Variants in NELL2 observed in about 807,000 individuals in gnomAD.
NELL2 encodes the protein neural EGFL like 2.
A neutral mutation model predicts 109.6 loss-of-function variants in NELL2; 41 were observed. That is an observed-to-expected ratio of 0.37 (90% CI 0.29 to 0.49). NELL2 has a LOEUF of 0.49. NELL2 is among the 20% of genes least tolerant of loss of function. The pLI is 0.98. For synonymous variants in NELL2, 355 were observed against 344.7 expected (o/e 1.03, Z -0.33); for missense variants, 900 against 1,008.3 (o/e 0.89, Z 1.45).
upstream of NELL2, chr12:44,876,810 A>C: frequency 7.4e-7 from 1 of 1,345,824 alleles, no homozygotes; most frequent in Non-Finnish European, 9.6e-7. Flanking sequence ...CCACCAAAAC[A>C]CGCTGCACTG....
At chr12:44,750,817 G>T (rs770600990) in intron 9 of NELL2, among the ~76,000 whole-genome samples, 5 of 152,066 alleles carry the variant, frequency 3.3e-5, no homozygotes, top group Admixed American at 1.3e-4. Flanking sequence ...AACAGGTTGT[G>T]AATGCAATTA....
chr12:44,590,160 C>G (rs1433105137), intron 15 of NELL2, among the ~76,000 whole-genome samples: 1 of 150,958 alleles, frequency 6.6e-6, no homozygotes, highest in East Asian at 2.0e-4. Context: ...TAGTTGCTTA[C>G]TTATAGTTTA....
At chr12:44,639,088 A>G (rs1946750943) in intron 13 of NELL2, among the ~76,000 whole-genome samples, 1 of 152,154 alleles carries the variant, frequency 6.6e-6, no homozygotes, top group African/African-American at 2.4e-5. Context: ...TAAACCACCT[A>G]TTAATTCAGT....
chr12:44,857,877 C>G lies in NELL2; in HGVS notation c.184+17348G>C, dbSNP rs1280335547. Among the ~76,000 whole-genome samples, 5 of 152,250 alleles carry G rather than the reference C, an allele frequency of 3.3e-5. No homozygotes were observed. The East Asian group carries it at 9.7e-4, about 29-fold the overall frequency. On this transcript the variant is annotated intron_variant, in intron 2 of 19. Transcript: ENST00000429094. ...TTTACTCCCCATTAAGAACTAAAAA[C>G]AGCAAAAGTAGAACAGAAGATGCTT...
chr12:44,558,998 T>C (rs942445571), intron 15 of NELL2, among the ~76,000 whole-genome samples: 3 of 152,124 alleles, frequency 2.0e-5, no homozygotes, highest in South Asian at 4.1e-4. Flanking sequence ...GATAGGGGTG[T>C]CCACCATTAC....
chr12:44,806,073 G>A (rs990336879), intron 3 of NELL2, among the ~76,000 whole-genome samples: 2 of 151,366 alleles, frequency 1.3e-5, no homozygotes, highest in African/African-American at 4.8e-5. Flanking sequence ...GAGACAGAAA[G>A]TATTGACTAG....
chr12:44,809,572 G>C (rs554971583), intron 3 of NELL2, among the ~76,000 whole-genome samples: 35 of 152,074 alleles, frequency 2.3e-4, no homozygotes, highest in African/African-American at 6.7e-4. Flanking sequence ...TGAAGTTTGT[G>C]GCTTAATTTT....
chr12:44,797,473 G>A (rs1250761355), intron 3 of NELL2, among the ~76,000 whole-genome samples: 1 of 152,036 alleles, frequency 6.6e-6, no homozygotes, highest in Non-Finnish European at 1.5e-5. Context: ...CCATTCATGG[G>A]CTTCGTTAAG....
At chr12:44,873,748 A>AC (rs1945231907) in intron 2 of NELL2, among the ~76,000 whole-genome samples, 3 of 149,134 alleles carry the variant, frequency 2.0e-5, no homozygotes, top group African/African-American at 7.3e-5. Flanking sequence ...CAACAACAAA[A>AC]AAAAAAAAAC....
At chr12:44,599,593 A>G (rs1201971702) in intron 15 of NELL2, among the ~76,000 whole-genome samples, 1 of 152,138 alleles carries the variant, frequency 6.6e-6, no homozygotes, top group African/African-American at 2.4e-5. Context: ...AGAATTATAG[A>G]AAAGACAAGG....
intron 12 of NELL2, among the ~76,000 whole-genome samples, chr12:44,669,623 T>C (rs78343734): frequency 0.03 from 4,621 of 151,932 alleles, 108 homozygotes; most frequent in Admixed American, 0.046. Context: ...GCTTCAACAA[T>C]AGACTAGATC....
At chr12:44,783,158 G>A (rs748899667) in intron 3 of NELL2, among the ~76,000 whole-genome samples, 15 of 151,484 alleles carry the variant, frequency 9.9e-5, no homozygotes, top group East Asian at 3.9e-4. Flanking sequence ...GGAAGGCTCA[G>A]GGAAATTTTT....
At chr12:44,598,883 A>ACACACACACACACACACACACACTCT (rs1265603008) in intron 15 of NELL2, among the ~76,000 whole-genome samples, 2 of 143,940 alleles carry the variant, frequency 1.4e-5, no homozygotes, top group African/African-American at 2.6e-5. Context: ...ACACACACAC[A>ACACACACACACACACACACACACTCT]CTCTCTCTCT....
upstream of NELL2, among the ~76,000 whole-genome samples, chr12:44,917,502 A>G (rs1945837366): frequency 1.3e-5 from 2 of 152,180 alleles, no homozygotes; most frequent in Admixed American, 1.3e-4. Context: ...TTCTCTAGGT[A>G]TATGTGGTGA....
chr12:44,873,200 C>G, intron 2 of NELL2, among the ~76,000 whole-genome samples: 1 of 152,110 alleles, frequency 6.6e-6, no homozygotes, highest in East Asian at 1.9e-4. Flanking sequence ...AAATTTTACA[C>G]CTTCAAATCT....
chr12:44,598,890 C>T (rs912952860), intron 15 of NELL2, among the ~76,000 whole-genome samples: 3 of 134,954 alleles, frequency 2.2e-5, no homozygotes, highest in African/African-American at 8.6e-5. Context: ...CACACTCTCT[C>T]TCTCTCTCTC....
At chr12:44,745,853 A>C (rs1353140242) in intron 9 of NELL2, among the ~76,000 whole-genome samples, 2 of 152,120 alleles carry the variant, frequency 1.3e-5, no homozygotes, top group East Asian at 3.9e-4. Flanking sequence ...AATCAATATC[A>C]TGAAAATGGC....
chr12:44,820,161 C>T (rs902598051), intron 2 of NELL2, among the ~76,000 whole-genome samples: 1 of 152,170 alleles, frequency 6.6e-6, no homozygotes, highest in African/African-American at 2.4e-5. Flanking sequence ...CCAACCCTTA[C>T]CTCACCCTAA....
chr12:44,820,362 A>G (rs1943499080), intron 2 of NELL2, among the ~76,000 whole-genome samples: 1 of 152,178 alleles, frequency 6.6e-6, no homozygotes. Context: ...TAATCCCAGC[A>G]CTTTGGGAGT....
Sources: gnomAD v4.1 joint callset for allele counts (sites outside exome capture counted in the v4.1 genomes callset) on GRCh38, gnomAD v4.1.1 for gene constraint, MANE v1.5 for transcripts, NCBI Gene and HGNC (gene_info 2026-07-23, HGNC 2026-07-21) for gene names.